The following MGAT5 variants were observed in gnomAD, a reference collection of about 807,000 sequenced individuals.
MGAT5 encodes the protein alpha-1,6-mannosylglycoprotein 6-beta-N-acetylglucosaminyltransferase.
MGAT5 carries 30 observed loss-of-function variants against 94.3 expected under a neutral mutation model. The ratio of observed to expected loss-of-function variants is 0.32; its 90% CI spans 0.24 to 0.43. The LOEUF is 0.43. Among genes scored for constraint, MGAT5 ranks in the 20% least tolerant of loss-of-function variants. The pLI is 1.00. For missense variants in MGAT5, 691 were observed against 905.5 expected (o/e 0.76, Z 3.04); for synonymous variants, 310 against 322.9 (o/e 0.96, Z 0.43).
chr2:134,280,138 G>A (rs1357134790), intron 2 of MGAT5, among the ~76,000 whole-genome samples: 3 of 152,276 alleles, frequency 2.0e-5, no homozygotes, highest in Admixed American at 1.3e-4. Context: ...GCTAGTTTTT[G>A]TTTTTCCTTT....
At chr2:134,376,647 C>T (rs1408408297) in intron 10 of MGAT5, among the ~76,000 whole-genome samples, 1 of 152,206 alleles carries the variant, frequency 6.6e-6, no homozygotes, top group Non-Finnish European at 1.5e-5. Flanking sequence ...TGCTGTTGGA[C>T]CTAGGGGAGG....
chr2:134,238,033 G>C (rs1300373766), intron 1 of MGAT5, among the ~76,000 whole-genome samples: 1 of 152,072 alleles, frequency 6.6e-6, no homozygotes, highest in Admixed American at 6.5e-5. Context: ...ACAGGCGTGA[G>C]CCACTGCGCC....
chr2:134,316,799 A>G (rs1450962034), intron 2 of MGAT5, among the ~76,000 whole-genome samples: 1 of 152,176 alleles, frequency 6.6e-6, no homozygotes, highest in Non-Finnish European at 1.5e-5. Flanking sequence ...GGAGGAGCAT[A>G]TTGAATGTTT....
intron 1 of MGAT5, among the ~76,000 whole-genome samples, chr2:134,259,874 G>A (rs1468854262): frequency 6.6e-6 from 1 of 152,208 alleles, no homozygotes; most frequent in Non-Finnish European, 1.5e-5. Flanking sequence ...TAATAAGCAA[G>A]AGAAAGTCAG....
intron 4 of MGAT5, among the ~76,000 whole-genome samples, chr2:134,333,503 G>A (rs1444306697): frequency 6.6e-6 from 1 of 151,476 alleles, no homozygotes; most frequent in Non-Finnish European, 1.5e-5. Flanking sequence ...GTTAATGGGT[G>A]CAGCACACCA....
At chr2:134,298,173 G>A (rs1685797034) in intron 2 of MGAT5, among the ~76,000 whole-genome samples, 1 of 152,088 alleles carries the variant, frequency 6.6e-6, no homozygotes, top group Non-Finnish European at 1.5e-5. Context: ...TTGGCTCACT[G>A]CCACCTCCGC....
chr2:134,156,820 ATC>A (rs1339640704), intron 1 of MGAT5, among the ~76,000 whole-genome samples: 2 of 152,120 alleles, frequency 1.3e-5, no homozygotes, highest in Admixed American at 6.5e-5. Context: ...GCAACTCCTC[ATC>A]TCTCTTGTGT....
At chr2:134,351,370 C>G (rs1679369995) in intron 9 of MGAT5, among the ~76,000 whole-genome samples, 1 of 152,092 alleles carries the variant, frequency 6.6e-6, no homozygotes, top group Non-Finnish European at 1.5e-5. Flanking sequence ...ATGTGTTAAA[C>G]CAAGTGAAAT....
At chr2:134,341,441 T>C in intron 6 of MGAT5, 149 bp from the exon 7 acceptor site, 1 of 643,448 alleles carries the variant, frequency 1.6e-6, no homozygotes, top group South Asian at 2.6e-5. Flanking sequence ...TTCCTTCCTT[T>C]GTACCTTCTA....
At position 134,450,480 on chromosome 2, in the gene MGAT5, G is replaced by A. The variant is rs1357704637; in HGVS notation, c.*1633G>A. On this transcript the variant is annotated 3_prime_UTR_variant, in exon 16 of 16. Coordinates refer to ENST00000281923, the MANE Select transcript of MGAT5 (RefSeq NM_002410.5). Reference sequence around the variant, plus strand: ...AGTTAGTGTGGGGCCTTTAAGTCTGGGAAGTTACATTCTGCTTCTTTCTCA... The same window carrying A: ...AGTTAGTGTGGGGCCTTTAAGTCTGAGAAGTTACATTCTGCTTCTTTCTCA... 1 of 152,232 alleles carries A rather than the reference G, an allele frequency of 6.6e-6. No individual in the cohort carries two copies. Among genetic ancestry groups the A allele is most frequent in the Admixed American group, 6.5e-5 (1 of 15,286 alleles). 9.4% of individuals were successfully genotyped at this position (152,232 alleles called of 1,614,324 possible). A position where few individuals can be genotyped will look rare whatever the true frequency, so the allele number is the denominator to read the frequency against.
At chr2:134,321,514 G>A (rs1687319986) in intron 4 of MGAT5, among the ~76,000 whole-genome samples, 1 of 152,184 alleles carries the variant, frequency 6.6e-6, no homozygotes, top group Non-Finnish European at 1.5e-5. Context: ...GCTAAGCTGA[G>A]AGAAAAGTGA....
At chr2:134,446,827 G>A (rs528283175) in intron 15 of MGAT5, among the ~76,000 whole-genome samples, 1 of 152,168 alleles carries the variant, frequency 6.6e-6, no homozygotes, top group Non-Finnish European at 1.5e-5. Context: ...CGCAGGCTCT[G>A]GGGGAGGGAG....
intron 1 of MGAT5, among the ~76,000 whole-genome samples, chr2:134,170,853 C>T (rs1688167546): frequency 7.5e-6 from 1 of 132,910 alleles, no homozygotes; most frequent in Non-Finnish European, 1.5e-5. Flanking sequence ...TAGATCTCTA[C>T]TCTTTTTTTT....
upstream of MGAT5, among the ~76,000 whole-genome samples, chr2:134,251,544 A>C (rs1682595927): frequency 6.6e-6 from 1 of 152,180 alleles, no homozygotes; most frequent in Non-Finnish European, 1.5e-5. Context: ...GATGTCATAG[A>C]GTCCCACATA....
In MGAT5 at chr2:134,442,841, G is replaced by A. The variant is rs150524552; in HGVS notation, c.2027+926G>A. Among the ~76,000 whole-genome samples, 247 of 141,762 alleles carry A rather than the reference G, an allele frequency of 1.7e-3. 2 individuals are homozygous for A. The highest frequency in any genetic ancestry group is 5.8e-3 in the African/African-American group (230 of 39,742). The allele number at this position is 141,762 out of a possible 152,430, so 93.0% of individuals were successfully genotyped here. A position where few individuals can be genotyped will look rare whatever the true frequency, so the allele number is the denominator to read the frequency against. ...CCCACCACCTTAGTAGCTCTGATTA[G>A]GTGTTTTATGCAAGAGACTAGCCTA... On this transcript the variant is annotated intron_variant, in intron 15 of 15. Coordinates refer to ENST00000281923, the MANE Select transcript of MGAT5 (RefSeq NM_002410.5).
At chr2:134,408,057 C>G (rs1363807545) in intron 11 of MGAT5, among the ~76,000 whole-genome samples, 2 of 152,214 alleles carry the variant, frequency 1.3e-5, no homozygotes, top group Non-Finnish European at 2.9e-5. Context: ...ATCCAATGAT[C>G]TTGGTACTGT....
intron 5 of MGAT5, among the ~76,000 whole-genome samples, chr2:134,337,017 T>G (rs750111201): frequency 1.3e-5 from 2 of 152,192 alleles, no homozygotes; most frequent in Non-Finnish European, 2.9e-5. Flanking sequence ...AGTTCTGCCA[T>G]TGTAGCGCAG....
intron 10 of MGAT5, among the ~76,000 whole-genome samples, chr2:134,367,150 C>G (rs1220898571): frequency 1.3e-5 from 2 of 152,196 alleles, no homozygotes; most frequent in Non-Finnish European, 2.9e-5. Flanking sequence ...GGGTTCAAAT[C>G]CTGACTGGGC....
intron 1 of MGAT5, among the ~76,000 whole-genome samples, chr2:134,178,672 A>G (rs1160917056): frequency 6.6e-6 from 1 of 152,242 alleles, no homozygotes; most frequent in Non-Finnish European, 1.5e-5. Context: ...ACGTTGGTGC[A>G]AAGGAAGATA....
Sources: allele counts gnomAD v4.1 joint callset (sites outside exome capture counted in the v4.1 genomes callset), GRCh38; gene constraint gnomAD v4.1.1; transcripts MANE v1.5; gene names NCBI Gene and HGNC (gene_info 2026-07-23, HGNC 2026-07-21).